CDH2: variants seen among roughly 807,000 people sequenced by gnomAD.
CDH2 encodes the protein cadherin 2.
CDH2 carries 17 observed loss-of-function variants against 92.0 expected under a neutral mutation model. The ratio of observed to expected loss-of-function variants is 0.18; its 90% CI spans 0.13 to 0.28. The LOEUF (loss-of-function observed/expected upper bound fraction) is 0.28, where lower values mean the gene tolerates loss of function less well. Ranked by LOEUF, CDH2 falls within the 10% of genes least tolerant of loss-of-function variation. The pLI is 1.00. For missense variants in CDH2, 862 were observed against 1,133.1 expected (o/e 0.76, Z 3.44); for synonymous variants, 419 against 415.9 (o/e 1.01, Z -0.09).
chr18:28,003,260 T>C, intron 6 of CDH2, 91 bp from the exon 7 acceptor site: 1 of 934,246 alleles, frequency 1.1e-6, no homozygotes, highest in Non-Finnish European at 1.6e-6. Flanking sequence ...ATATGTCTTA[T>C]TTTCACTTTT....
intron 2 of CDH2, among the ~76,000 whole-genome samples, chr18:28,120,197 A>C (rs2015563785): frequency 6.6e-6 from 1 of 152,104 alleles, no homozygotes; most frequent in Admixed American, 6.6e-5. Flanking sequence ...TCTGTCATAC[A>C]CACATACACA....
At chr18:27,956,868 G>C (rs935369643) in intron 15 of CDH2, among the ~76,000 whole-genome samples, 3 of 152,156 alleles carry the variant, frequency 2.0e-5, no homozygotes, top group African/African-American at 7.2e-5. Flanking sequence ...GAAAAAACTG[G>C]AAGGTGTTAA....
intron 2 of CDH2, among the ~76,000 whole-genome samples, chr18:28,016,865 C>CAA (rs893173640): frequency 6.6e-6 from 1 of 152,100 alleles, no homozygotes; most frequent in Non-Finnish European, 1.5e-5. Flanking sequence ...TTTTCTGTGT[C>CAA]TATTGAGATG....
intron 2 of CDH2, among the ~76,000 whole-genome samples, chr18:28,079,819 C>T (rs1349303796): frequency 2.6e-5 from 4 of 151,966 alleles, no homozygotes; most frequent in Admixed American, 2.0e-4. Flanking sequence ...GTAAATTCCA[C>T]CCCCCCTCAG....
intron 14 of CDH2, among the ~76,000 whole-genome samples, chr18:27,971,541 G>A (rs974823150): frequency 3.3e-5 from 5 of 152,142 alleles, no homozygotes; most frequent in African/African-American, 4.8e-5. Context: ...CACAGTGAAA[G>A]TATTTAATAA....
At chr18:28,047,888 A>G (rs1394794740) in intron 2 of CDH2, among the ~76,000 whole-genome samples, 1 of 151,446 alleles carries the variant, frequency 6.6e-6, no homozygotes, top group East Asian at 1.9e-4. Flanking sequence ...AAAAAAAAAA[A>G]AAAAGAATGA....
chr18:28,166,170 A>ATATGTATG (rs1555648264), intron 1 of CDH2, among the ~76,000 whole-genome samples: 1 of 136,126 alleles, frequency 7.3e-6, no homozygotes, highest in African/African-American at 2.9e-5. Flanking sequence ...ATATATATAT[A>ATATGTATG]TATGTCTGTA....
intron 2 of CDH2, among the ~76,000 whole-genome samples, chr18:28,089,074 A>T (rs138254310): frequency 1.3e-5 from 2 of 152,348 alleles, no homozygotes; most frequent in East Asian, 1.9e-4. Context: ...GAAGTATAAC[A>T]GAAAAGAGAG....
intron 13 of CDH2, among the ~76,000 whole-genome samples, chr18:27,984,051 C>A (rs2012146844): frequency 6.6e-6 from 1 of 152,206 alleles, no homozygotes; most frequent in Admixed American, 6.5e-5. Context: ...AGGGCTAAAT[C>A]TAGCAAGTGG....
intron 6 of CDH2, among the ~76,000 whole-genome samples, chr18:27,939,240 C>G (rs1358323520): frequency 6.6e-6 from 1 of 151,960 alleles, no homozygotes; most frequent in African/African-American, 2.4e-5. Context: ...GTGGGTAAAC[C>G]CTGGGAGTCA....
At chr18:28,114,722 A>T (rs955254232) in intron 2 of CDH2, among the ~76,000 whole-genome samples, 61 of 152,058 alleles carry the variant, frequency 4.0e-4, no homozygotes, top group Non-Finnish European at 1.9e-4. Flanking sequence ...TAAGTTACTA[A>T]GTCATGAGAG....
At chr18:28,143,135 T>C (rs2015981246) in intron 2 of CDH2, among the ~76,000 whole-genome samples, 1 of 151,992 alleles carries the variant, frequency 6.6e-6, no homozygotes, top group African/African-American at 2.4e-5. Context: ...TTACTGAAAA[T>C]ATTCATGGTA....
intron 2 of CDH2, among the ~76,000 whole-genome samples, chr18:28,143,277 C>T (rs2015983198): frequency 6.6e-6 from 1 of 152,038 alleles, no homozygotes; most frequent in Non-Finnish European, 1.5e-5. Context: ...GCCCAGGATC[C>T]TCTCTGCAAT....
At chr18:28,038,423 GT>G (rs1176034798) in intron 2 of CDH2, among the ~76,000 whole-genome samples, 2 of 9,488 alleles carry the variant, frequency 2.1e-4, no homozygotes, top group African/African-American at 1.9e-3. Flanking sequence ...CTTGTCTCAA[GT>G]GTGTGTGTGT....
chr18:28,029,538 C>G (rs2013641327), intron 2 of CDH2, among the ~76,000 whole-genome samples: 1 of 151,992 alleles, frequency 6.6e-6, no homozygotes, highest in Non-Finnish European at 1.5e-5. Flanking sequence ...ACCAACTCAG[C>G]AATCTGAATA....
intron 2 of CDH2, among the ~76,000 whole-genome samples, chr18:28,067,551 T>C (rs1180058748): frequency 1.3e-5 from 2 of 152,234 alleles, no homozygotes; most frequent in Non-Finnish European, 1.5e-5. Flanking sequence ...ATGTAGTAGA[T>C]GTATCAGTAC....
intron 1 of CDH2, among the ~76,000 whole-genome samples, chr18:28,176,370 G>T (rs937164069): frequency 6.6e-6 from 1 of 152,160 alleles, no homozygotes; most frequent in Non-Finnish European, 1.5e-5. Flanking sequence ...CAGGTGGGAC[G>T]AACACAGAAT....
At chr18:28,174,375 C>A (rs2016507091) in intron 1 of CDH2, among the ~76,000 whole-genome samples, 1 of 152,194 alleles carries the variant, frequency 6.6e-6, no homozygotes, top group South Asian at 2.1e-4. Flanking sequence ...CATTTCTAAT[C>A]TCAGTTGTAC....
chr18:28,072,495 C>T (rs748605369), intron 2 of CDH2, among the ~76,000 whole-genome samples: 2 of 152,204 alleles, frequency 1.3e-5, no homozygotes, highest in Non-Finnish European at 2.9e-5. Flanking sequence ...TAATCATGCA[C>T]TTGTTAACTA....
Sources: allele counts gnomAD v4.1 joint callset (sites outside exome capture counted in the v4.1 genomes callset), GRCh38; gene constraint gnomAD v4.1.1; transcripts MANE v1.5; gene names NCBI Gene and HGNC (gene_info 2026-07-23, HGNC 2026-07-21).